The following EYA3 variants were observed in gnomAD, a reference collection of about 807,000 sequenced individuals.
EYA3 encodes the protein protein phosphatase EYA3.
In EYA3, 39 loss-of-function variants were observed where a neutral mutation model predicts 80.0. The observed-to-expected ratio is 0.49, with a 90% CI of 0.38 to 0.64. EYA3 has a LOEUF of 0.64. Ranked by LOEUF, EYA3 falls within the 30% of genes least tolerant of loss-of-function variation. The pLI is 0.00. For synonymous variants in EYA3, 206 were observed against 232.8 expected, an observed-to-expected ratio of 0.88 and a Z score of 1.05; for missense variants, 523 against 676.1, an observed-to-expected ratio of 0.77 and a Z score of 2.51.
chr1:28,023,324 A>C (rs1185591296), intron 7 of EYA3, among the ~76,000 whole-genome samples: 1 of 152,218 alleles, frequency 6.6e-6, no homozygotes, highest in Non-Finnish European at 1.5e-5. Context: ...TAGATATTCT[A>C]CCCTAAAGAA....
chr1:28,070,796 CAA>C (rs150267634), intron 1 of EYA3, among the ~76,000 whole-genome samples: 2,045 of 152,264 alleles, frequency 0.013, 48 homozygotes, highest in African/African-American at 0.046. Flanking sequence ...ACCCAGGTAA[CAA>C]TAACACTGAC....
At chr1:27,988,324 T>A in intron 16 of EYA3, 1 of 507,492 alleles carries the variant, frequency 2.0e-6, no homozygotes, top group Non-Finnish European at 3.5e-6. Context: ...TCAAAGAGCA[T>A]GCTTATGTAA....
intron 7 of EYA3, 110 bp from the exon 8 acceptor site, chr1:28,017,349 T>C (rs866993004): frequency 2.7e-5 from 20 of 749,598 alleles, no homozygotes; most frequent in Middle Eastern, 5.4e-4. Context: ...ATAAACAACA[T>C]TGGCAAAGGA....
At chr1:27,984,583 T>C (rs901377587) in intron 16 of EYA3, among the ~76,000 whole-genome samples, 1 of 152,290 alleles carries the variant, frequency 6.6e-6, no homozygotes, top group South Asian at 2.1e-4. Flanking sequence ...CCTATATGGA[T>C]AATCCAGTTA....
chr1:28,068,254 C>G (rs1483046956), intron 1 of EYA3, among the ~76,000 whole-genome samples: 1 of 151,754 alleles, frequency 6.6e-6, no homozygotes, highest in Non-Finnish European at 1.5e-5. Flanking sequence ...ATCGCTTGAA[C>G]CCGGGAGGTG....
At chr1:27,992,906 T>C (rs1034883361) in intron 14 of EYA3, among the ~76,000 whole-genome samples, 1 of 152,220 alleles carries the variant, frequency 6.6e-6, no homozygotes, top group African/African-American at 2.4e-5. Flanking sequence ...TAGTGGCATC[T>C]GGCATTTGAA....
At chr1:28,085,411 T>C (rs1425375831) in intron 1 of EYA3, among the ~76,000 whole-genome samples, 4 of 152,188 alleles carry the variant, frequency 2.6e-5, no homozygotes, top group Admixed American at 2.6e-4. Flanking sequence ...ATCGTGCCAC[T>C]GCACTACAGC....
rs373956405 is a variant in EYA3, at chr1:28,067,713, G to T, written c.-68-9619C>A. ...ATTTAGACACTGTACACAAACTCAGGGTTGGTTCATTTTACAGCTCTAAGC... is the reference window on the plus strand; with the variant it reads ...ATTTAGACACTGTACACAAACTCAGTGTTGGTTCATTTTACAGCTCTAAGC... On this transcript the variant is annotated intron_variant, in intron 1 of 17. Coordinates refer to ENST00000373871, the MANE Select transcript of EYA3 (RefSeq NM_001990.4). Among the ~76,000 whole-genome samples the T allele has an allele frequency of 1.7e-4, 26 of 152,188 alleles. No individual in the cohort carries two copies. In the South Asian group the frequency reaches 5.2e-3, roughly 30 times the overall value.
Position 28,035,662 on chromosome 1 carries a change from G to C in EYA3, c.243C>G (p.Leu81=), listed in dbSNP as rs1428793409. The change falls in exon 6 of 18, where the codon CTC becomes CTG. Residue 81 remains leucine (L), a synonymous_variant. Coordinates refer to ENST00000373871, the MANE Select transcript of EYA3 (RefSeq NM_001990.4). The part of the protein sequence containing the change: ...MYSAKPYAHI[L]SVPVSETAYP... ...AAGCAGTTTCCGAAACAGGAACTGA[G>C]AGAATATGTGCATAAGGTCTGGAAA... 2.0e-5 allele frequency: 32 copies of C among 1,614,054 alleles called. No homozygotes were observed. The highest frequency in any genetic ancestry group is 2.5e-5 in the Non-Finnish European group (29 of 1,180,000).
intron 16 of EYA3, among the ~76,000 whole-genome samples, chr1:27,982,655 C>T (rs1031387972): frequency 1.3e-5 from 2 of 151,854 alleles, no homozygotes; most frequent in Non-Finnish European, 2.9e-5. Flanking sequence ...TGCAGTGGTG[C>T]AATCTTGGCT....
intron 1 of EYA3, among the ~76,000 whole-genome samples, chr1:28,063,243 C>CT (rs1467869765): frequency 3.3e-5 from 5 of 150,464 alleles, no homozygotes; most frequent in Non-Finnish European, 5.9e-5. Context: ...GATTTGCTCA[C>CT]TGACTACATT....
At chr1:28,074,950 A>G (rs1374210978) in intron 1 of EYA3, among the ~76,000 whole-genome samples, 5 of 152,168 alleles carry the variant, frequency 3.3e-5, no homozygotes, top group Admixed American at 2.6e-4. Context: ...TGTGGTCACT[A>G]AAGTCTCTGC....
chr1:28,059,754 T>C (rs958640073), intron 1 of EYA3, among the ~76,000 whole-genome samples: 5 of 146,142 alleles, frequency 3.4e-5, no homozygotes, highest in African/African-American at 1.0e-4. Context: ...AGGGTTTCGC[T>C]GTGTCACCCA....
intron 4 of EYA3, among the ~76,000 whole-genome samples, chr1:28,040,704 A>G (rs1355292607): frequency 6.6e-6 from 1 of 152,152 alleles, no homozygotes; most frequent in African/African-American, 2.4e-5. Context: ...TCACTGGAAG[A>G]GTGAGGATAG....
chr1:28,025,692 A>C (rs902327125), intron 7 of EYA3, among the ~76,000 whole-genome samples: 1 of 152,246 alleles, frequency 6.6e-6, no homozygotes, highest in Non-Finnish European at 1.5e-5. Context: ...ATGTTCTAAC[A>C]GATAACAAAT....
chr1:28,011,927 G>C (rs770647549), intron 9 of EYA3, among the ~76,000 whole-genome samples: 19 of 152,100 alleles, frequency 1.2e-4, no homozygotes, highest in Non-Finnish European at 2.4e-4. Flanking sequence ...ACTGTGGAAT[G>C]GGTTGGATCC....
chr1:27,977,497 CAG>C, intron 17 of EYA3: 1 of 1,116,070 alleles, frequency 9.0e-7, no homozygotes, highest in Non-Finnish European at 1.3e-6. Flanking sequence ...AGCTGAGACA[CAG>C]ATGGGATTTT....
intron 1 of EYA3, among the ~76,000 whole-genome samples, chr1:28,085,444 G>T (rs1283602517): frequency 1.3e-5 from 2 of 151,446 alleles, no homozygotes; most frequent in African/African-American, 4.9e-5. Flanking sequence ...GCAAGGTTTT[G>T]TTTTGTTTTT....
intron 17 of EYA3, among the ~76,000 whole-genome samples, chr1:27,975,773 C>T (rs1024868309): frequency 1.3e-5 from 2 of 151,482 alleles, no homozygotes; most frequent in Non-Finnish European, 1.5e-5. Flanking sequence ...CGTGAGCCAC[C>T]GTGCCCGGCC....
Sources: allele counts gnomAD v4.1 joint callset (sites outside exome capture counted in the v4.1 genomes callset), GRCh38; gene constraint gnomAD v4.1.1; transcripts MANE v1.5; gene names NCBI Gene and HGNC (gene_info 2026-07-23, HGNC 2026-07-21).